SHISA9: variants seen among roughly 807,000 people sequenced by gnomAD.
SHISA9 encodes the protein shisa family member 9, also known as protein shisa-9.
Under a neutral mutation model 38.0 loss-of-function variants are expected in SHISA9, and 13 were observed. The observed-to-expected ratio is 0.34, with a 90% CI of 0.22 to 0.54. The LOEUF is 0.54. Among genes scored for constraint, SHISA9 ranks in the 20% least tolerant of loss-of-function variants. The pLI, the probability that SHISA9 is intolerant of heterozygous loss-of-function variation, is 0.91. For synonymous variants in SHISA9, 275 were observed against 242.0 expected (o/e 1.14, Z -1.27); for missense variants, 538 against 575.8 (o/e 0.93, Z 0.67).
At chr16:13,254,775 T>G in the SHISA9 span, among the ~76,000 whole-genome samples, 2 of 152,218 alleles carry the variant, frequency 1.3e-5, no homozygotes, top group Non-Finnish European at 2.9e-5. Context: ...TGGGGCAAAG[T>G]GAAAGCACTG....
the SHISA9 span, among the ~76,000 whole-genome samples, chr16:13,397,849 G>C: frequency 2.6e-5 from 4 of 152,168 alleles, no homozygotes; most frequent in South Asian, 2.1e-4. Flanking sequence ...TTCTTGCCTT[G>C]GTGTACCGGA....
chr16:13,489,238 C>T, the SHISA9 span, among the ~76,000 whole-genome samples: 2 of 152,010 alleles, frequency 1.3e-5, no homozygotes, highest in Non-Finnish European at 2.9e-5. Context: ...TTAGTTGAAG[C>T]AGGGTCTCAC....
chr16:13,210,392 A>G (rs925788962), intron 3 of SHISA9, among the ~76,000 whole-genome samples: 2 of 152,160 alleles, frequency 1.3e-5, no homozygotes, highest in African/African-American at 4.8e-5. Context: ...AGGATGTACC[A>G]GCATCATTGA....
the SHISA9 span, among the ~76,000 whole-genome samples, chr16:13,505,161 A>C: frequency 6.6e-6 from 1 of 152,250 alleles, no homozygotes; most frequent in African/African-American, 2.4e-5. Context: ...AAAGCACGAG[A>C]GGGGAGCAAC....
At chr16:13,062,469 A>G (rs930302859) in intron 2 of SHISA9, among the ~76,000 whole-genome samples, 1 of 152,150 alleles carries the variant, frequency 6.6e-6, no homozygotes, top group Non-Finnish European at 1.5e-5. Flanking sequence ...ACCTGCCACA[A>G]CTGAGCAACA....
chr16:13,486,932 G>A, the SHISA9 span, among the ~76,000 whole-genome samples: 2 of 152,146 alleles, frequency 1.3e-5, no homozygotes, highest in Non-Finnish European at 2.9e-5. Context: ...ATGAACTCCC[G>A]ACCTCAGGTG....
chr16:13,061,637 C>G (rs1211865346), intron 2 of SHISA9, among the ~76,000 whole-genome samples: 1 of 152,126 alleles, frequency 6.6e-6, no homozygotes, highest in Admixed American at 6.6e-5. Context: ...GCTGGAGATA[C>G]AGATGGACCA....
intron 2 of SHISA9, among the ~76,000 whole-genome samples, chr16:13,169,178 C>A (rs779660584): frequency 2.0e-5 from 3 of 152,158 alleles, no homozygotes; most frequent in Admixed American, 6.5e-5. Context: ...GATCTTCACC[C>A]CTCCCAGCTC....
intron 2 of SHISA9, among the ~76,000 whole-genome samples, chr16:12,978,374 T>A (rs183960179): frequency 1.3e-5 from 2 of 152,360 alleles, no homozygotes; most frequent in Admixed American, 6.5e-5. Flanking sequence ...GGAAGACTAC[T>A]ACGTAACCCA....
rs1021230832 is a variant in SHISA9 at position 13,074,213 on chromosome 16, A to G, written c.692-129181A>G. 3.2e-4 allele frequency among the ~76,000 whole-genome samples: 48 copies of G among 151,060 alleles called. 1 individual carries two copies. The highest frequency in any genetic ancestry group is 3.0e-3 in the Admixed American group (46 of 15,180). On this transcript the variant is annotated intron_variant, in intron 2 of 4. Coordinates refer to ENST00000558583, the MANE Select transcript of SHISA9 (RefSeq NM_001145204.3). ...TCGAACTCCTGACCTCAGGTGATCCACCCCCCTCGGCCTCCCAAAGTGCTG... is the reference window on the plus strand; with the variant it reads ...TCGAACTCCTGACCTCAGGTGATCCGCCCCCCTCGGCCTCCCAAAGTGCTG...
At chr16:13,286,778 A>G in the SHISA9 span, among the ~76,000 whole-genome samples, 44 of 152,312 alleles carry the variant, frequency 2.9e-4, no homozygotes, top group African/African-American at 1.1e-3. Context: ...ATAAGCCCAA[A>G]TAAACTTCTT....
At chr16:13,447,849 CT>C in the SHISA9 span, among the ~76,000 whole-genome samples, 1 of 152,134 alleles carries the variant, frequency 6.6e-6, no homozygotes, top group South Asian at 2.1e-4. Context: ...CTAATAAGGT[CT>C]TCTGAAAAAA....
intron 2 of SHISA9, among the ~76,000 whole-genome samples, chr16:12,923,170 G>C (rs1048153321): frequency 6.6e-6 from 1 of 152,136 alleles, no homozygotes; most frequent in Admixed American, 6.5e-5. Context: ...ATTGAGATTG[G>C]TGGAAATTAA....
chr16:13,262,601 G>A, the SHISA9 span, among the ~76,000 whole-genome samples: 6 of 142,522 alleles, frequency 4.2e-5, no homozygotes, highest in South Asian at 2.2e-4. Context: ...TTCTGGCCCG[G>A]TGAGTAAGTT....
chr16:13,475,417 A>G, the SHISA9 span, among the ~76,000 whole-genome samples: 4 of 151,974 alleles, frequency 2.6e-5, no homozygotes, highest in Non-Finnish European at 5.9e-5. Context: ...CAAAGGTCAT[A>G]CAGGTATCCC....
At chr16:13,441,720 C>G in the SHISA9 span, among the ~76,000 whole-genome samples, 2 of 152,216 alleles carry the variant, frequency 1.3e-5, no homozygotes, top group African/African-American at 2.4e-5. Context: ...GTCTCATTCA[C>G]TGGCTCTGGG....
chr16:12,975,291 T>C lies in SHISA9; in HGVS notation c.691+58476T>C, dbSNP rs1446401611. ...CAGTGGCTCACGGTGAATCACAAGG[T>C]CAGGAGTTCGAGACCATCCTGGCCA... On this transcript the variant is annotated intron_variant, in intron 2 of 4. Transcript: ENST00000558583. Among the ~76,000 whole-genome samples, 4 of 152,060 alleles carry C rather than the reference T, an allele frequency of 2.6e-5. No individual in the cohort carries two copies. The East Asian group carries it at 7.8e-4, about 30-fold the overall frequency.
At chr16:13,420,746 C>T in the SHISA9 span, among the ~76,000 whole-genome samples, 2 of 152,182 alleles carry the variant, frequency 1.3e-5, no homozygotes, top group East Asian at 1.9e-4. Flanking sequence ...AGCCCACCAA[C>T]ATCCCCAGAA....
At chr16:13,117,424 T>A (rs908293205) in intron 2 of SHISA9, among the ~76,000 whole-genome samples, 1 of 152,006 alleles carries the variant, frequency 6.6e-6, no homozygotes, top group Admixed American at 6.5e-5. Context: ...AGAAATTCCC[T>A]AATCCTGGAA....
Sources: allele counts gnomAD v4.1 joint callset (sites outside exome capture counted in the v4.1 genomes callset), GRCh38; gene constraint gnomAD v4.1.1; transcripts MANE v1.5; gene names NCBI Gene and HGNC (gene_info 2026-07-23, HGNC 2026-07-21).